Variants in PWWP2A observed in about 807,000 individuals in gnomAD.
PWWP2A encodes the protein PWWP domain containing 2A.
Under a neutral mutation model 48.5 loss-of-function variants are expected in PWWP2A, and 18 were observed. The observed-to-expected ratio is 0.37, with a 90% CI of 0.26 to 0.55. The LOEUF is 0.55. Ranked by LOEUF, PWWP2A falls within the 20% of genes least tolerant of loss-of-function variation. The pLI is 0.81. For missense variants in PWWP2A, 867 were observed against 976.4 expected (o/e 0.89, Z 1.49); for synonymous variants, 396 against 387.7 (o/e 1.02, Z -0.25).
downstream of PWWP2A, among the ~76,000 whole-genome samples, chr5:160,072,263 T>C (rs1314926480): frequency 6.6e-6 from 1 of 152,210 alleles, no homozygotes; most frequent in African/African-American, 2.4e-5. Flanking sequence ...GAAAAATTGA[T>C]TACTGTGCTT....
At chr5:160,051,301 C>A in the PWWP2A span, 1 of 762,560 alleles carries the variant, frequency 1.3e-6, no homozygotes, top group Non-Finnish European at 2.0e-6. Flanking sequence ...CACAAGGCTA[C>A]TGACTTCTGA....
chr5:160,119,076 C>T lies in PWWP2A; in HGVS notation c.313G>A (p.Ala105Thr). 6.3e-7 allele frequency: 1 copy of T among 1,588,650 alleles called. No homozygotes were observed. The highest frequency in any genetic ancestry group is 1.4e-5 in the African/African-American group (1 of 72,678). Residue 105 changes from alanine (A) to threonine (T), a missense_variant, in exon 1 of 2, where the codon GCC becomes ACC. Physicochemically the swap from Ala to Thr is moderately conservative, Grantham distance 58. Transcript: ENST00000307063. Reference sequence around the variant, plus strand: ...AGTTCCGGCCCTCCCTGAGGCGCGGCTGCCGCCGACTCCGCCACCCGAACG... The same window carrying T: ...AGTTCCGGCCCTCCCTGAGGCGCGGTTGCCGCCGACTCCGCCACCCGAACG... ...LSVRVAESAAAAPQGGPELPP... is the reference protein window; with the variant it reads ...LSVRVAESAATAPQGGPELPP...
downstream of PWWP2A, among the ~76,000 whole-genome samples, chr5:160,087,904 G>A (rs1031604380): frequency 1.1e-4 from 17 of 152,100 alleles, no homozygotes; most frequent in African/African-American, 4.1e-4. Flanking sequence ...AATTATCCAT[G>A]GTAAAGACAC....
chr5:160,063,653 T>C (rs781191801), exon 5 of PWWP2A: 3 of 152,192 alleles, frequency 2.0e-5, no homozygotes, highest in Non-Finnish European at 2.9e-5. Context: ...ACCCCCATTC[T>C]CACCTCCACT....
At chr5:160,083,127 T>C (rs956342762) in intron 2 of PWWP2A, among the ~76,000 whole-genome samples, 3 of 152,190 alleles carry the variant, frequency 2.0e-5, no homozygotes, top group Non-Finnish European at 4.4e-5. Context: ...CAGTATCTCA[T>C]CTTACAATAG....
chr5:160,067,388 A>G (rs1219490014), intron 2 of PWWP2A, among the ~76,000 whole-genome samples: 2 of 152,212 alleles, frequency 1.3e-5, no homozygotes, highest in Non-Finnish European at 2.9e-5. Context: ...TTTGAGAACT[A>G]CTGTCACATC....
chr5:160,089,581 A>G, downstream of PWWP2A: 1 of 1,288,670 alleles, frequency 7.8e-7, no homozygotes, highest in Non-Finnish European at 1.0e-6. Context: ...TTCCTTCCAA[A>G]TGATTAGTCA....
downstream of PWWP2A, among the ~76,000 whole-genome samples, chr5:160,061,258 G>T (rs1753384021): frequency 6.6e-6 from 1 of 152,346 alleles, no homozygotes; most frequent in Non-Finnish European, 1.5e-5. Context: ...CCTGGTTCAA[G>T]TGTAAACTCT....
chr5:160,071,656 C>T (rs907819249), downstream of PWWP2A, among the ~76,000 whole-genome samples: 1 of 152,248 alleles, frequency 6.6e-6, no homozygotes, highest in South Asian at 2.1e-4. Flanking sequence ...AGCCCTCATC[C>T]GTTTCCTCTG....
Position 160,077,143 on chromosome 5 carries a change from C to G in PWWP2A, c.*1012G>C, listed in dbSNP as rs1225811098. The G allele has an allele frequency of 1.3e-5, 2 of 152,166 alleles. No individual in the cohort carries two copies. The highest frequency in any genetic ancestry group is 2.9e-5 in the Non-Finnish European group (2 of 68,026). 9.4% of individuals were successfully genotyped at this position (152,166 alleles called of 1,614,324 possible). A position where few individuals can be genotyped will look rare whatever the true frequency, so the allele number is the denominator to read the frequency against. On this transcript the variant is annotated 3_prime_UTR_variant, in exon 4 of 4. Transcript: ENST00000456329. The surrounding 1 kb of genome is among the most constrained non-coding windows in gnomAD (Gnocchi z 4.2). ...TGCTCCATGCATGAGAAGTTTGACA[C>G]TGTTTTAAAGGATCCTGTTCCTGCC...
intron 1 of PWWP2A, among the ~76,000 whole-genome samples, chr5:160,117,286 C>A (rs1470447685): frequency 1.3e-5 from 2 of 152,082 alleles, no homozygotes; most frequent in African/African-American, 4.8e-5. Context: ...ACAGCAAGAC[C>A]CTGTCTCTAT....
At chr5:160,116,899 C>G (rs1426774526) in intron 1 of PWWP2A, 2 of 274,506 alleles carry the variant, frequency 7.3e-6, no homozygotes, top group African/African-American at 4.6e-5. Flanking sequence ...TTGAGACCAA[C>G]CTGACCAACA....
At chr5:160,065,184 C>T in intron 4 of PWWP2A, 1 of 1,283,082 alleles carries the variant, frequency 7.8e-7, no homozygotes, top group Non-Finnish European at 1.1e-6. Flanking sequence ...GAAAGGCTAT[C>T]CAGTAGAGCC....
chr5:160,096,555 A>G (rs1254204959), intron 1 of PWWP2A, among the ~76,000 whole-genome samples: 1 of 152,270 alleles, frequency 6.6e-6, no homozygotes, highest in African/African-American at 2.4e-5. Context: ...ACTTGTAAGA[A>G]GGCATAATTT....
chr5:160,118,689 A>T, intron 1 of PWWP2A, 116 bp downstream of exon 1: 1 of 1,072,704 alleles, frequency 9.3e-7, no homozygotes, highest in Non-Finnish European at 1.2e-6. Context: ...GCGCAGGACC[A>T]GAGGGCGGGG....
At chr5:160,072,353 G>C (rs1299811350), downstream of PWWP2A, among the ~76,000 whole-genome samples, 1 of 152,124 alleles carries the variant, frequency 6.6e-6, no homozygotes, top group African/African-American at 2.4e-5. Flanking sequence ...AAAAAAAATG[G>C]ATTACTTGCT....
rs1753994703 is a variant in PWWP2A, at chr5:160,078,314, T to C, written c.1670-146A>G. On this transcript the variant is annotated intron_variant, in intron 3 of 3. Transcript: ENST00000456329. The surrounding 1 kb of genome is among the most constrained non-coding windows in gnomAD (Gnocchi z 4.2). ...TTAAATCGGTTAAACCTGACCGATG[T>C]TGTTTTGAGAAAACAACTTACTGCC... 1.6e-6 allele frequency: 1 copy of C among 633,478 alleles called. No individual in the cohort carries two copies. Among genetic ancestry groups the C allele is most frequent in the South Asian group, 2.0e-5 (1 of 49,870 alleles). 39.2% of individuals were successfully genotyped at this position (633,478 alleles called of 1,614,324 possible).
rs925719396 is a variant in PWWP2A, at chr5:160,064,861, C to A, written c.*237-1188G>T. 42 of 1,497,818 alleles carry A rather than the reference C, an allele frequency of 2.8e-5. No individual in the cohort carries two copies. In the African/African-American group the frequency reaches 5.8e-4, roughly 21 times the overall value. 92.8% of individuals were successfully genotyped at this position (1,497,818 alleles called of 1,614,324 possible). On this transcript the variant is annotated intron_variant and NMD_transcript_variant, in intron 4 of 5. Transcript: ENST00000524050. ...TTATATTTTGTACTCAGTGGTAAGG[C>A]AAGATTAATTGGTACCTTCCTGCTT...
the PWWP2A span, chr5:160,050,979 T>TG: frequency 1.1e-5 from 6 of 561,128 alleles, no homozygotes; most frequent in South Asian, 7.2e-5. Flanking sequence ...TACTTGGGGT[T>TG]TTTTTTTTTT....
Sources: gnomAD v4.1 joint callset for allele counts (sites outside exome capture counted in the v4.1 genomes callset) on GRCh38, gnomAD v4.1.1 for gene constraint, Gnocchi (gnomAD v3.1) non-coding constraint, MANE v1.5 for transcripts, NCBI Gene and HGNC (gene_info 2026-07-23, HGNC 2026-07-21) for gene names.